The following ASIC2 variants were observed in gnomAD, a reference collection of about 807,000 sequenced individuals.
ASIC2 encodes acid sensing ion channel subunit 2.
ASIC2 carries 25 observed loss-of-function variants against 57.3 expected under a neutral mutation model. The observed-to-expected ratio is 0.44, with a 90% CI of 0.32 to 0.61. The LOEUF (loss-of-function observed/expected upper bound fraction) is 0.61. Ranked by LOEUF, ASIC2 falls within the 20% of genes least tolerant of loss-of-function variation. The probability of loss-of-function intolerance (pLI) is 0.06; values close to 1 mark genes in which losing one functional copy is unlikely to be tolerated. For synonymous variants in ASIC2, 319 were observed against 307.5 expected (o/e 1.04, Z -0.39); for missense variants, 641 against 738.1 (o/e 0.87, Z 1.52).
chr17:33,126,002 T>G (rs565938591), intron 1 of ASIC2, among the ~76,000 whole-genome samples: 1 of 152,342 alleles, frequency 6.6e-6, no homozygotes, highest in East Asian at 1.9e-4. Flanking sequence ...CCTTAAATTT[T>G]GCGTCTTAGT....
chr17:33,994,114 A>C (rs996168049), intron 1 of ASIC2, among the ~76,000 whole-genome samples: 4 of 152,166 alleles, frequency 2.6e-5, no homozygotes, highest in East Asian at 1.9e-4. Flanking sequence ...TCATCAAATG[A>C]AGGGGCCAGC....
intron 1 of ASIC2, among the ~76,000 whole-genome samples, chr17:33,456,465 G>A (rs548321925): frequency 7.9e-5 from 12 of 151,988 alleles, no homozygotes; most frequent in Non-Finnish European, 1.2e-4. Flanking sequence ...GACAACCCTC[G>A]GAGCTCATCC....
Position 33,443,406 on chromosome 17 carries a change from ATTTT to A in ASIC2, c.556-331343_556-331340del, listed in dbSNP as rs779597047. 2.5e-3 allele frequency among the ~76,000 whole-genome samples: 186 copies of A among 75,244 alleles called. 1 individual carries two copies. Among genetic ancestry groups the A allele is most frequent in the African/African-American group, 8.1e-3 (146 of 18,094 alleles). 49.4% of individuals were successfully genotyped at this position (75,244 alleles called of 152,430 possible). A position where few individuals can be genotyped will look rare whatever the true frequency, so the allele number is the denominator to read the frequency against. Reference sequence around the variant, plus strand: ...TTTTTTATGTATGGTGGAGGGTAAGATTTTTTTTTTTTTTTTTTTTTTTTTGAGA... The same window carrying A: ...TTTTTTATGTATGGTGGAGGGTAAGATTTTTTTTTTTTTTTTTTTTTGAGA... On this transcript the variant is annotated intron_variant, in intron 1 of 9. Coordinates refer to the ASIC2 transcript ENST00000359872.
At chr17:33,185,514 G>A (rs1365111412) in intron 1 of ASIC2, among the ~76,000 whole-genome samples, 4 of 152,214 alleles carry the variant, frequency 2.6e-5, no homozygotes, top group South Asian at 2.1e-4. Context: ...CCCTGTGATC[G>A]CCCTGCCTTA....
intron 1 of ASIC2, among the ~76,000 whole-genome samples, chr17:34,048,030 C>T (rs1162273117): frequency 6.6e-6 from 1 of 152,176 alleles, no homozygotes; most frequent in African/African-American, 2.4e-5. Context: ...TATGAGCTAA[C>T]ACAACAGTTC....
chr17:33,241,534 A>G (rs1908507536), intron 1 of ASIC2, among the ~76,000 whole-genome samples: 1 of 152,182 alleles, frequency 6.6e-6, no homozygotes, highest in Non-Finnish European at 1.5e-5. Context: ...ATAGATACAA[A>G]CCATGCCTCA....
At chr17:34,034,936 C>G (rs1311162539) in intron 1 of ASIC2, among the ~76,000 whole-genome samples, 1 of 152,014 alleles carries the variant, frequency 6.6e-6, no homozygotes, top group Non-Finnish European at 1.5e-5. Flanking sequence ...GGCCATACTG[C>G]CCAAGGTAAT....
chr17:33,101,114 A>G (rs1324350562), intron 2 of ASIC2, among the ~76,000 whole-genome samples: 2 of 152,130 alleles, frequency 1.3e-5, no homozygotes, highest in Non-Finnish European at 2.9e-5. Flanking sequence ...GGACACTCGG[A>G]ACTCAGGCCA....
chr17:33,032,153 G>A (rs531688663), intron 3 of ASIC2, among the ~76,000 whole-genome samples: 1 of 152,182 alleles, frequency 6.6e-6, no homozygotes, highest in Non-Finnish European at 1.5e-5. Context: ...GTTGTTCTTT[G>A]TTTCCTATTT....
chr17:34,122,018 G>A (rs2142119950), intron 1 of ASIC2, among the ~76,000 whole-genome samples: 1 of 152,288 alleles, frequency 6.6e-6, no homozygotes, highest in Admixed American at 6.5e-5. Flanking sequence ...GCTGCAGGGA[G>A]CCATCTCTGT....
intron 1 of ASIC2, among the ~76,000 whole-genome samples, chr17:33,982,800 T>A (rs1905672803): frequency 6.6e-6 from 1 of 152,246 alleles, no homozygotes; most frequent in African/African-American, 2.4e-5. Flanking sequence ...TTGATAGCTA[T>A]GTGACTTTGA....
At chr17:34,112,460 A>G (rs1403569372) in intron 1 of ASIC2, among the ~76,000 whole-genome samples, 1 of 150,516 alleles carries the variant, frequency 6.6e-6, no homozygotes, top group Non-Finnish European at 1.5e-5. Context: ...GACAGGCCAA[A>G]AAAAAAAAAA....
intron 1 of ASIC2, among the ~76,000 whole-genome samples, chr17:33,713,288 T>C (rs905648001): frequency 2.6e-5 from 4 of 152,168 alleles, no homozygotes; most frequent in Admixed American, 2.6e-4. Context: ...ACAACAGAAA[T>C]GTATTCTCTC....
chr17:33,812,866 T>C (rs1224992733), intron 1 of ASIC2, among the ~76,000 whole-genome samples: 1 of 152,204 alleles, frequency 6.6e-6, no homozygotes, highest in African/African-American at 2.4e-5. Context: ...AACCTCTCAC[T>C]GGGTGTGGGT....
intron 1 of ASIC2, among the ~76,000 whole-genome samples, chr17:33,983,923 A>G (rs368244372): frequency 2.6e-5 from 4 of 152,192 alleles, no homozygotes; most frequent in African/African-American, 7.2e-5. Context: ...AATGCCAGTA[A>G]TGCCCAGGTT....
intron 1 of ASIC2, among the ~76,000 whole-genome samples, chr17:33,424,860 A>C (rs762480544): frequency 1.6e-4 from 25 of 152,156 alleles, no homozygotes; most frequent in Non-Finnish European, 2.8e-4. Context: ...CCAGGATCTC[A>C]GTCCTCTCTC....
intron 1 of ASIC2, among the ~76,000 whole-genome samples, chr17:33,481,725 A>G (rs1169753502): frequency 2.0e-5 from 3 of 152,158 alleles, no homozygotes; most frequent in Non-Finnish European, 1.5e-5. Context: ...ACAAAACCAC[A>G]GTGAAAACCT....
At chr17:33,297,251 G>C (rs1320083677), upstream of ASIC2, among the ~76,000 whole-genome samples, 1 of 152,190 alleles carries the variant, frequency 6.6e-6, no homozygotes, top group Non-Finnish European at 1.5e-5. Flanking sequence ...TCTTGAGATA[G>C]GCTCTTGGGT....
intron 1 of ASIC2, among the ~76,000 whole-genome samples, chr17:33,513,706 TCTC>T (rs972274036): frequency 5.3e-5 from 8 of 152,180 alleles, no homozygotes; most frequent in Admixed American, 3.3e-4. Flanking sequence ...TAGTGTCTGT[TCTC>T]CTTCCTGCCA....
Sources: gnomAD v4.1 joint callset for allele counts (sites outside exome capture counted in the v4.1 genomes callset) on GRCh38, gnomAD v4.1.1 for gene constraint, MANE v1.5 for transcripts, NCBI Gene and HGNC (gene_info 2026-07-23, HGNC 2026-07-21) for gene names.